Variants in TEAD1 observed in about 807,000 individuals in gnomAD.
TEAD1 encodes the protein transcriptional enhancer factor TEF-1.
Under a neutral mutation model 54.9 loss-of-function variants are expected in TEAD1, and 9 were observed. That is an observed-to-expected ratio of 0.16 (90% CI 0.10 to 0.29). The LOEUF (loss-of-function observed/expected upper bound fraction) is 0.29. TEAD1 is among the 10% of genes least tolerant of loss of function. The probability of loss-of-function intolerance (pLI) is 1.00; values close to 1 mark genes in which losing one functional copy is unlikely to be tolerated. For synonymous variants in TEAD1, 200 were observed against 187.8 expected (o/e 1.07, Z -0.53); for missense variants, 387 against 535.9 (o/e 0.72, Z 2.74).
At chr11:12,743,002 C>T (rs910043980) in intron 2 of TEAD1, among the ~76,000 whole-genome samples, 1 of 152,170 alleles carries the variant, frequency 6.6e-6, no homozygotes, top group Admixed American at 6.5e-5. Flanking sequence ...TGGGGCTGGG[C>T]AGTGCTGTAA....
chr11:12,836,630 A>G (rs1175078951), intron 3 of TEAD1, among the ~76,000 whole-genome samples: 4 of 152,148 alleles, frequency 2.6e-5, no homozygotes, highest in African/African-American at 9.7e-5. Flanking sequence ...TTTCAAATAT[A>G]TGCTACAGGA....
At chr11:12,750,280 A>G (rs931733348) in intron 2 of TEAD1, among the ~76,000 whole-genome samples, 1 of 151,972 alleles carries the variant, frequency 6.6e-6, no homozygotes, top group Non-Finnish European at 1.5e-5. Context: ...TGAGGGGAGT[A>G]TGTTGAGTGC....
In TEAD1 at chr11:12,835,171, T is replaced by G. The variant is rs547790111; in HGVS notation, c.203-27079T>G. On this transcript the variant is annotated intron_variant, in intron 3 of 12. Coordinates refer to ENST00000527636, the MANE Select transcript of TEAD1 (RefSeq NM_021961.6). ...GTGTAATGGGGTCAAACCTTGTTGGTTTTTTTTAGCTACAAAGCAGCAGAT... is the reference window on the plus strand; with the variant it reads ...GTGTAATGGGGTCAAACCTTGTTGGGTTTTTTTAGCTACAAAGCAGCAGAT... 7.9e-5 allele frequency among the ~76,000 whole-genome samples: 12 copies of G among 152,062 alleles called. No individual in the cohort carries two copies. In the East Asian group the frequency reaches 1.7e-3, roughly 22 times the overall value.
intron 4 of TEAD1, among the ~76,000 whole-genome samples, chr11:12,862,857 A>G (rs997676053): frequency 2.0e-5 from 3 of 152,208 alleles, no homozygotes; most frequent in Admixed American, 1.3e-4. Context: ...TGAAGTTACA[A>G]CTTCAATACC....
In TEAD1 at chr11:12,940,749, G is replaced by C. The variant is rs777341072; in HGVS notation, c.*3527G>C. Reference sequence around the variant, plus strand: ...GTCTCAGCAATTTTCATTATTTCTCGTGGGTCTCATTATCAAACCTTTACT... The same window carrying C: ...GTCTCAGCAATTTTCATTATTTCTCCTGGGTCTCATTATCAAACCTTTACT... On this transcript the variant is annotated 3_prime_UTR_variant, in exon 13 of 13. Coordinates refer to ENST00000527636, the MANE Select transcript of TEAD1 (RefSeq NM_021961.6). The C allele has an allele frequency of 6.6e-6, 1 of 152,032 alleles. No homozygotes were observed. Among genetic ancestry groups the C allele is most frequent in the African/African-American group, 2.4e-5 (1 of 41,372 alleles). The allele number at this position is 152,032 out of a possible 1,614,324, so 9.4% of individuals were successfully genotyped here.
intron 3 of TEAD1, among the ~76,000 whole-genome samples, chr11:12,846,365 G>T (rs910332861): frequency 6.6e-6 from 1 of 151,846 alleles, no homozygotes; most frequent in African/African-American, 2.4e-5. Context: ...CATCTTGCTT[G>T]TTGGTTTAAA....
At chr11:12,808,246 G>GT (rs5789744) in intron 3 of TEAD1, among the ~76,000 whole-genome samples, 76,524 of 151,926 alleles carry the variant, frequency 0.5, 21,241 homozygotes, top group East Asian at 0.76. Flanking sequence ...GAAATTATAG[G>GT]TCATAGTAGG....
chr11:12,733,155 CT>C (rs772582175), intron 2 of TEAD1, among the ~76,000 whole-genome samples: 7 of 152,200 alleles, frequency 4.6e-5, no homozygotes, highest in Non-Finnish European at 8.8e-5. Flanking sequence ...ACCCACTTAC[CT>C]TTTTGGGTTG....
At chr11:12,688,883 C>A (rs1258581794) in intron 2 of TEAD1, among the ~76,000 whole-genome samples, 1 of 152,194 alleles carries the variant, frequency 6.6e-6, no homozygotes, top group African/African-American at 2.4e-5. Flanking sequence ...CTGAGGTTTT[C>A]CTCCCGAATA....
chr11:12,776,746 C>T (rs1945426597), intron 3 of TEAD1, among the ~76,000 whole-genome samples: 3 of 146,260 alleles, frequency 2.1e-5, no homozygotes, highest in Non-Finnish European at 4.5e-5. Context: ...TCTTCAAAGC[C>T]CATTTGGATA....
intron 3 of TEAD1, among the ~76,000 whole-genome samples, chr11:12,827,718 T>C (rs1946685174): frequency 6.6e-6 from 1 of 152,250 alleles, no homozygotes; most frequent in Non-Finnish European, 1.5e-5. Flanking sequence ...CCTGCTCTCC[T>C]ATTATCACAT....
intron 3 of TEAD1, among the ~76,000 whole-genome samples, chr11:12,854,146 T>C (rs1012304298): frequency 1.3e-5 from 2 of 152,204 alleles, no homozygotes; most frequent in Non-Finnish European, 2.9e-5. Context: ...ATGATTTATA[T>C]TGAGGATTAA....
chr11:12,769,520 A>C lies in TEAD1; in HGVS notation c.202+5086A>C, dbSNP rs533547761. On this transcript the variant is annotated intron_variant, in intron 3 of 12. Coordinates refer to ENST00000527636, the MANE Select transcript of TEAD1 (RefSeq NM_021961.6). ...AGAGGACTGGTCAAAAAATTGCAGA[A>C]TCATCCTTTTATAAGATAGTATGTT... is the stretch of plus-strand genomic sequence containing the variant. Among the ~76,000 whole-genome samples, 206 of 152,152 alleles carry C rather than the reference A, an allele frequency of 1.4e-3. 1 individual carries two copies. The highest frequency in any genetic ancestry group is 4.6e-3 in the African/African-American group (192 of 41,518).
chr11:12,854,505 A>G (rs1053488024), intron 3 of TEAD1, among the ~76,000 whole-genome samples: 3 of 152,178 alleles, frequency 2.0e-5, no homozygotes, highest in Non-Finnish European at 4.4e-5. Flanking sequence ...CTGTGAGAGC[A>G]CATGTTAGGG....
intron 7 of TEAD1, among the ~76,000 whole-genome samples, chr11:12,881,532 A>G (rs973380234): frequency 6.6e-6 from 1 of 151,846 alleles, no homozygotes; most frequent in Non-Finnish European, 1.5e-5. Context: ...TATATGCTGT[A>G]AAAAAAAACT....
chr11:12,890,221 C>T (rs920236684), intron 9 of TEAD1, among the ~76,000 whole-genome samples: 3 of 152,174 alleles, frequency 2.0e-5, no homozygotes, highest in African/African-American at 7.2e-5. Flanking sequence ...AACCATGTCA[C>T]TGTACTTTTG....
intron 5 of TEAD1, among the ~76,000 whole-genome samples, chr11:12,869,269 C>T (rs1181170114): frequency 1.3e-5 from 2 of 152,122 alleles, no homozygotes; most frequent in Non-Finnish European, 2.9e-5. Context: ...AGGCTAATTC[C>T]TGGGCTGCTT....
chr11:12,843,895 G>A (rs1194618655), intron 3 of TEAD1, among the ~76,000 whole-genome samples: 2 of 152,172 alleles, frequency 1.3e-5, no homozygotes, highest in African/African-American at 2.4e-5. Flanking sequence ...CATTGACCAC[G>A]AAGCCTAATA....
intron 2 of TEAD1, among the ~76,000 whole-genome samples, chr11:12,701,580 T>C (rs1437733750): frequency 2.0e-5 from 3 of 152,080 alleles, no homozygotes; most frequent in Admixed American, 2.0e-4. Flanking sequence ...TCACTGTCTT[T>C]AGTTTCCAAA....
Sources: allele counts gnomAD v4.1 joint callset (sites outside exome capture counted in the v4.1 genomes callset), GRCh38; gene constraint gnomAD v4.1.1; transcripts MANE v1.5; gene names NCBI Gene and HGNC (gene_info 2026-07-23, HGNC 2026-07-21).